DYM: variants seen among roughly 807,000 people sequenced by gnomAD.
The protein encoded by DYM is dyggve-Melchior-Clausen syndrome protein.
DYM carries 78 observed loss-of-function variants against 93.1 expected under a neutral mutation model. The observed-to-expected ratio is 0.84, with a 90% CI of 0.70 to 1.01. The LOEUF is 1.01. DYM is among the 50% of genes least tolerant of loss of function. The pLI is 0.00. For missense variants in DYM, 789 were observed against 845.0 expected (o/e 0.93, Z 0.82); for synonymous variants, 321 against 319.7 (o/e 1.00, Z -0.04).
At chr18:49,092,891 G>A (rs1319019571) in intron 17 of DYM, among the ~76,000 whole-genome samples, 1 of 152,204 alleles carries the variant, frequency 6.6e-6, no homozygotes, top group African/African-American at 2.4e-5. Flanking sequence ...CCTTGGGACA[G>A]CAAGCCATGG....
intron 6 of DYM, among the ~76,000 whole-genome samples, chr18:49,348,317 G>A (rs1027939434): frequency 6.6e-6 from 1 of 151,868 alleles, no homozygotes; most frequent in African/African-American, 2.4e-5. Context: ...TCAAATATGG[G>A]GAAAGACTAA....
At chr18:49,312,946 A>G (rs2061688655) in intron 8 of DYM, among the ~76,000 whole-genome samples, 1 of 152,206 alleles carries the variant, frequency 6.6e-6, no homozygotes, top group Non-Finnish European at 1.5e-5. Context: ...CAAAGTTAGA[A>G]GAGAGGTGGG....
At chr18:49,414,490 T>A (rs2148241730) in intron 2 of DYM, among the ~76,000 whole-genome samples, 1 of 152,318 alleles carries the variant, frequency 6.6e-6, no homozygotes, top group South Asian at 2.1e-4. Context: ...AACAGGCTCA[T>A]CTCTGGAATA....
Position 49,044,299 on chromosome 18 carries a change from C to G in DYM, c.2026-95G>C, listed in dbSNP as rs1270626461. Reference sequence around the variant, plus strand: ...AGGTGGTGCTGTGGTGTGCGGGGAGCCCACCCACCCCTGCCAACTGGTCAC... The same window carrying G: ...AGGTGGTGCTGTGGTGTGCGGGGAGGCCACCCACCCCTGCCAACTGGTCAC... On this transcript the variant is annotated intron_variant, in intron 17 of 17. Coordinates refer to ENST00000675505, the MANE Select transcript of DYM (RefSeq NM_001353214.3). 3.7e-6 allele frequency: 5 copies of G among 1,363,246 alleles called. No homozygotes were observed. The African/African-American group carries it at 7.1e-5, about 19-fold the overall frequency. The allele number at this position is 1,363,246 out of a possible 1,614,324, so 84.4% of individuals were successfully genotyped here. A position where few individuals can be genotyped will look rare whatever the true frequency, so the allele number is the denominator to read the frequency against.
intron 2 of DYM, among the ~76,000 whole-genome samples, chr18:49,420,905 T>C (rs1486537450): frequency 6.6e-6 from 1 of 152,168 alleles, no homozygotes; most frequent in East Asian, 1.9e-4. Context: ...CACGGAGCCT[T>C]GCTCACTGCT....
At chr18:49,086,675 T>C (rs1248456698) in intron 17 of DYM, among the ~76,000 whole-genome samples, 1 of 152,090 alleles carries the variant, frequency 6.6e-6, no homozygotes, top group Non-Finnish European at 1.5e-5. Context: ...TGGAGCCTCA[T>C]GAAGGGGATT....
chr18:49,223,582 G>C (rs963452296), intron 13 of DYM, among the ~76,000 whole-genome samples: 1 of 152,132 alleles, frequency 6.6e-6, no homozygotes, highest in African/African-American at 2.4e-5. Context: ...CTAATATTAA[G>C]GGAAGTGTTG....
chr18:49,334,636 A>G (rs1424727360), intron 6 of DYM, among the ~76,000 whole-genome samples: 2 of 152,242 alleles, frequency 1.3e-5, no homozygotes, highest in African/African-American at 4.8e-5. Context: ...AAAGAGCAAT[A>G]GCACCAAAAG....
intron 6 of DYM, among the ~76,000 whole-genome samples, chr18:49,334,862 TTGGGAGGCCA>T (rs2063550004): frequency 6.6e-6 from 1 of 152,172 alleles, no homozygotes. Flanking sequence ...TCCCAGCACT[TTGGGAGGCCA>T]AAGCGGGTGG....
chr18:49,283,355 A>G (rs1275983231), intron 9 of DYM, among the ~76,000 whole-genome samples: 1 of 152,212 alleles, frequency 6.6e-6, no homozygotes, highest in Non-Finnish European at 1.5e-5. Context: ...GAAAACTTCT[A>G]TAACTTTTTT....
intron 13 of DYM, among the ~76,000 whole-genome samples, chr18:49,219,030 C>G (rs879432644): frequency 3.2e-4 from 48 of 152,116 alleles, no homozygotes; most frequent in Non-Finnish European, 6.0e-4. Context: ...AAGACGAAAA[C>G]AGAGAAGAAT....
intron 14 of DYM, among the ~76,000 whole-genome samples, chr18:49,202,374 C>G (rs1327114295): frequency 6.6e-6 from 1 of 151,578 alleles, no homozygotes; most frequent in East Asian, 1.9e-4. Flanking sequence ...CTGCCTTGGC[C>G]TCCCAAAGTG....
intron 5 of DYM, chr18:49,375,619 C>T (rs2067435887): frequency 1.3e-5 from 2 of 152,248 alleles, no homozygotes; most frequent in Admixed American, 6.5e-5. Context: ...AAGTTATCCA[C>T]ATTTTAACTA....
At position 49,331,957 on chromosome 18, in the gene DYM, T is replaced by C. The variant is rs1310470682; in HGVS notation, c.670A>G (p.Arg224Gly). ...LVKTLLYNFI[R>G]QEKPPPPGAH... The stretch of plus-strand genomic sequence containing the variant: ...CCTGGAGGAGGTGGCTTTTCTTGTC[T>C]GATAAAGTTATATAATAAGGTCTTC... Residue 224 changes from arginine to glycine, a missense_variant, in exon 8 of 18, where the codon AGA becomes GGA. By Grantham distance (125) the Arg-to-Gly change is moderately radical. Coordinates refer to ENST00000675505, the MANE Select transcript of DYM (RefSeq NM_001353214.3). 4 of 1,613,978 alleles carry C rather than the reference T, an allele frequency of 2.5e-6. No homozygotes were observed. Among genetic ancestry groups the C allele is most frequent in the Non-Finnish European group, 3.4e-6 (4 of 1,179,990 alleles).
chr18:49,170,373 T>C (rs1272742213), intron 14 of DYM, among the ~76,000 whole-genome samples: 5 of 152,178 alleles, frequency 3.3e-5, no homozygotes, highest in African/African-American at 9.7e-5. Flanking sequence ...ATGGGCAGTT[T>C]AGAAATACTA....
In DYM at chr18:49,292,355, G is replaced by GACAGACACACACAC. The variant is rs769423170; in HGVS notation, c.764-5740_764-5739insGTGTGTGTGTCTGT. Among the ~76,000 whole-genome samples, 33 of 84,748 alleles carry GACAGACACACACAC rather than the reference G, an allele frequency of 3.9e-4. No homozygotes were observed. The East Asian group carries it at 7.9e-3, about 20-fold the overall frequency. The allele number at this position is 84,748 out of a possible 152,430, so 55.6% of individuals were successfully genotyped here. The stretch of plus-strand genomic sequence containing the variant: ...AGGCAGGCAGACAGACAGACAGACA[G>GACAGACACACACAC]ACACACACACACACACACACACACA... On this transcript the variant is annotated intron_variant, in intron 8 of 17. Transcript: ENST00000675505.
intron 8 of DYM, among the ~76,000 whole-genome samples, chr18:49,291,791 C>T (rs779003269): frequency 4.6e-5 from 7 of 152,258 alleles, no homozygotes; most frequent in Non-Finnish European, 8.8e-5. Flanking sequence ...ATCCTCATGA[C>T]ATAGTTGAAG....
At chr18:49,405,513 T>C (rs1487792155) in intron 2 of DYM, among the ~76,000 whole-genome samples, 1 of 152,198 alleles carries the variant, frequency 6.6e-6, no homozygotes, top group Non-Finnish European at 1.5e-5. Flanking sequence ...TTCCTTATGA[T>C]TTTTGTCCGC....
intron 1 of DYM, among the ~76,000 whole-genome samples, chr18:49,436,459 ACCTCCTTAAGGATATTG>A (rs1298311494): frequency 1.3e-5 from 2 of 152,026 alleles, no homozygotes; most frequent in Non-Finnish European, 2.9e-5. Flanking sequence ...GTCTTCCACC[ACCTCCTTAAGGATATTG>A]CTAGTTCCTT....
Sources: gnomAD v4.1 joint callset for allele counts (sites outside exome capture counted in the v4.1 genomes callset) on GRCh38, gnomAD v4.1.1 for gene constraint, MANE v1.5 for transcripts, NCBI Gene and HGNC (gene_info 2026-07-23, HGNC 2026-07-21) for gene names.